Variants in DET1 observed in about 807,000 individuals in gnomAD.
The protein encoded by DET1 is DET1 partner of COP1 E3 ubiquitin ligase.
In DET1, 22 loss-of-function variants were observed where a neutral mutation model predicts 43.7. The observed-to-expected ratio is 0.50, with a 90% CI of 0.36 to 0.72. DET1 has a LOEUF of 0.72. DET1 is among the 30% of genes least tolerant of loss of function. The pLI is 0.00. For missense variants in DET1, 713 were observed against 713.3 expected, an observed-to-expected ratio of 1.00 and a Z score of 0.00; for synonymous variants, 315 against 266.2, an observed-to-expected ratio of 1.18 and a Z score of -1.79.
chr15:88,513,846 C>T (rs1464519218), intron 4 of DET1, among the ~76,000 whole-genome samples: 1 of 124,998 alleles, frequency 8.0e-6, no homozygotes, highest in Admixed American at 9.5e-5. Context: ...GTCGCCCAGG[C>T]TGGAGTGCAG....
At chr15:88,526,086 A>G (rs767437746) in intron 3 of DET1, among the ~76,000 whole-genome samples, 2 of 152,222 alleles carry the variant, frequency 1.3e-5, no homozygotes, top group Non-Finnish European at 2.9e-5. Flanking sequence ...AAATTCTTCT[A>G]TACTGAAGAG....
downstream of DET1, chr15:88,511,307 A>T: frequency 4.5e-6 from 3 of 668,872 alleles, no homozygotes; most frequent in Non-Finnish European, 5.5e-6. Context: ...TATGTCTTCT[A>T]CTACATAAAA....
intron 4 of DET1, among the ~76,000 whole-genome samples, chr15:88,515,840 C>T (rs927569231): frequency 2.0e-5 from 3 of 151,942 alleles, no homozygotes; most frequent in African/African-American, 7.3e-5. Context: ...ACAGGAGTGG[C>T]CACGAGCTGG....
chr15:88,537,878 C>T (rs909240736), intron 1 of DET1, among the ~76,000 whole-genome samples: 1 of 152,194 alleles, frequency 6.6e-6, no homozygotes, highest in African/African-American at 2.4e-5. Flanking sequence ...CCTGACCATC[C>T]TATCTAAAAC....
chr15:88,546,377 G>T (rs2057255709), intron 1 of DET1, 163 bp downstream of exon 1: 1 of 152,304 alleles, frequency 6.6e-6, no homozygotes, highest in Non-Finnish European at 1.5e-5. Context: ...ACCCAAAAGG[G>T]CGCCCCCGGA....
At chr15:88,514,061 A>T (rs1286286479) in intron 4 of DET1, among the ~76,000 whole-genome samples, 1 of 149,834 alleles carries the variant, frequency 6.7e-6, no homozygotes, top group Non-Finnish European at 1.5e-5. Context: ...GGCCTCCCAA[A>T]GTGCTGGGAT....
chr15:88,542,131 A>C (rs1372012882), intron 1 of DET1, among the ~76,000 whole-genome samples: 1 of 152,048 alleles, frequency 6.6e-6, no homozygotes, highest in Non-Finnish European at 1.5e-5. Flanking sequence ...CCATCGACCC[A>C]CCTAGGATGA....
At chr15:88,512,441 G>A (rs2056218136), downstream of DET1, 1 of 985,906 alleles carries the variant, frequency 1.0e-6, no homozygotes, top group Non-Finnish European at 1.2e-6. Context: ...AAAGCATTGA[G>A]TATGATAGGA....
intron 3 of DET1, among the ~76,000 whole-genome samples, chr15:88,521,078 C>T (rs188207957): frequency 6.6e-6 from 1 of 152,200 alleles, no homozygotes; most frequent in Non-Finnish European, 1.5e-5. Flanking sequence ...CCTTATGTAT[C>T]TGCCTACCTC....
At chr15:88,512,397 T>G, downstream of DET1, 3 of 985,536 alleles carry the variant, frequency 3.0e-6, no homozygotes, top group Non-Finnish European at 3.6e-6. Flanking sequence ...GCCTCTCATC[T>G]CTTTCACAGT....
chr15:88,542,985 A>G (rs1486075058), intron 1 of DET1, among the ~76,000 whole-genome samples: 1 of 152,194 alleles, frequency 6.6e-6, no homozygotes, highest in African/African-American at 2.4e-5. Context: ...ATCTCTGGAT[A>G]TTGGGGTTTG....
intron 2 of DET1, among the ~76,000 whole-genome samples, chr15:88,529,973 C>G (rs2056768690): frequency 6.6e-6 from 1 of 152,188 alleles, no homozygotes; most frequent in Admixed American, 6.5e-5. Context: ...ACTGAAAAAC[C>G]TTTAAGATTT....
chr15:88,535,646 C>T (rs2056928988), intron 1 of DET1, among the ~76,000 whole-genome samples: 1 of 151,914 alleles, frequency 6.6e-6, no homozygotes, highest in Non-Finnish European at 1.5e-5. Context: ...GTCACAGCTA[C>T]TCAGGAGGCT....
intron 2 of DET1, among the ~76,000 whole-genome samples, chr15:88,529,612 C>T (rs549160409): frequency 2.6e-5 from 4 of 152,218 alleles, no homozygotes; most frequent in Non-Finnish European, 5.9e-5. Flanking sequence ...GGACACGATA[C>T]CCTGTACAGA....
intron 1 of DET1, among the ~76,000 whole-genome samples, chr15:88,535,389 GA>G (rs2056921219): frequency 6.7e-6 from 1 of 150,090 alleles, no homozygotes; most frequent in Admixed American, 6.6e-5. Context: ...GGGCCCTAGG[GA>G]AAATATCAAA....
intron 4 of DET1, among the ~76,000 whole-genome samples, chr15:88,513,823 G>A (rs1388102086): frequency 8.5e-5 from 11 of 129,392 alleles, no homozygotes; most frequent in African/African-American, 2.5e-4. Context: ...TTTTTGAGAC[G>A]GAGTCTCGCT....
chr15:88,512,559 G>A lies in DET1; in HGVS notation c.*392C>T, dbSNP rs1189960602. 14 of 1,001,486 alleles carry A rather than the reference G, an allele frequency of 1.4e-5. No homozygotes were observed. The highest frequency in any genetic ancestry group is 1.5e-5 in the Non-Finnish European group (13 of 840,308). The allele number at this position is 1,001,486 out of a possible 1,614,324, so 62.0% of individuals were successfully genotyped here. A position where few individuals can be genotyped will look rare whatever the true frequency, so the allele number is the denominator to read the frequency against. ...TATGAGCTAAATGGAAAGGATGTATGTCATTCTCATCAGTAAACAAGATTT... is the reference window on the plus strand; with the variant it reads ...TATGAGCTAAATGGAAAGGATGTATATCATTCTCATCAGTAAACAAGATTT... On this transcript the variant is annotated 3_prime_UTR_variant, in exon 5 of 5. Coordinates refer to ENST00000268148, the MANE Select transcript of DET1 (RefSeq NM_001144074.3).
intron 1 of DET1, among the ~76,000 whole-genome samples, chr15:88,535,053 C>T (rs141546994): frequency 2.4e-4 from 37 of 152,254 alleles, no homozygotes; most frequent in African/African-American, 8.9e-4. Context: ...TAAGTAATCA[C>T]AAACACTCTT....
At chr15:88,539,928 T>G (rs1372638119) in intron 1 of DET1, among the ~76,000 whole-genome samples, 3 of 152,204 alleles carry the variant, frequency 2.0e-5, no homozygotes, top group African/African-American at 7.2e-5. Context: ...ACTTTTCCTG[T>G]GCCCTTAAAC....
Sources: allele counts gnomAD v4.1 joint callset (sites outside exome capture counted in the v4.1 genomes callset), GRCh38; gene constraint gnomAD v4.1.1; transcripts MANE v1.5; gene names NCBI Gene and HGNC (gene_info 2026-07-23, HGNC 2026-07-21).